The following KIZ variants were observed in gnomAD, a reference collection of about 807,000 sequenced individuals.
The protein encoded by KIZ is kizuna centrosomal protein, also known as centrosomal protein kizuna.
A neutral mutation model predicts 79.6 loss-of-function variants in KIZ; 68 were observed. The observed-to-expected ratio is 0.85, with a 90% confidence interval of 0.70 to 1.05. KIZ has a LOEUF of 1.05. Ranked by LOEUF, KIZ falls within the 50% of genes least tolerant of loss-of-function variation. The pLI is 0.00. For synonymous variants in KIZ, 280 were observed against 281.8 expected (o/e 0.99, Z 0.06); for missense variants, 797 against 800.4 (o/e 1.00, Z 0.05).
chr20:21,170,602 A>G (rs2034160494), intron 6 of KIZ, among the ~76,000 whole-genome samples: 1 of 152,068 alleles, frequency 6.6e-6, no homozygotes, highest in African/African-American at 2.4e-5. Context: ...GTTAGCCAGG[A>G]TAATCTCGAT....
At chr20:21,136,719 C>T (rs2032211711) in intron 3 of KIZ, among the ~76,000 whole-genome samples, 167 bp downstream of exon 3, 1 of 151,976 alleles carries the variant, frequency 6.6e-6, no homozygotes, top group African/African-American at 2.4e-5. Context: ...AGGTGCACAC[C>T]CCATGTAGCT....
At chr20:21,130,505 T>G (rs2031774473) in intron 1 of KIZ, among the ~76,000 whole-genome samples, 1 of 152,260 alleles carries the variant, frequency 6.6e-6, no homozygotes, top group African/African-American at 2.4e-5. Context: ...TAAAAATTTC[T>G]AATGTGGAAG....
chr20:21,172,483 A>G (rs1454808290), intron 6 of KIZ, among the ~76,000 whole-genome samples: 1 of 151,650 alleles, frequency 6.6e-6, no homozygotes. Flanking sequence ...CGCACGCTTG[A>G]GCTATTTGGG....
At chr20:21,155,034 T>C (rs1382110881) in intron 4 of KIZ, among the ~76,000 whole-genome samples, 1 of 152,258 alleles carries the variant, frequency 6.6e-6, no homozygotes, top group African/African-American at 2.4e-5. Flanking sequence ...TTCTCATTTT[T>C]TGTTATAAAA....
At chr20:21,172,858 CTGGGAGAGAGA>C (rs2034271455) in intron 6 of KIZ, among the ~76,000 whole-genome samples, 1 of 152,124 alleles carries the variant, frequency 6.6e-6, no homozygotes, top group Non-Finnish European at 1.5e-5. Flanking sequence ...CTTCTCTCCT[CTGGGAGAGAGA>C]TGGGAGAGGG....
chr20:21,214,208 C>T (rs887943092), intron 7 of KIZ, among the ~76,000 whole-genome samples: 1 of 151,918 alleles, frequency 6.6e-6, no homozygotes, highest in African/African-American at 2.4e-5. Context: ...TTGTATATAT[C>T]GAAGGGAGGA....
chr20:21,152,486 T>G (rs1196827009), intron 4 of KIZ, among the ~76,000 whole-genome samples: 3 of 152,130 alleles, frequency 2.0e-5, no homozygotes, highest in Admixed American at 6.6e-5. Context: ...TTCTGCATAT[T>G]TCTTTTGTGA....
chr20:21,216,513 C>G (rs2123316620), intron 9 of KIZ, among the ~76,000 whole-genome samples: 1 of 152,270 alleles, frequency 6.6e-6, no homozygotes, highest in Non-Finnish European at 1.5e-5. Context: ...TTTGAAAAAG[C>G]AGTTTATGGT....
chr20:21,234,104 C>T (rs1302526837), intron 11 of KIZ, among the ~76,000 whole-genome samples: 1 of 152,142 alleles, frequency 6.6e-6, no homozygotes, highest in Admixed American at 6.5e-5. Flanking sequence ...CTAAAAAACT[C>T]ACTTCTTCCT....
At chr20:21,146,134 A>G (rs952033541) in intron 4 of KIZ, among the ~76,000 whole-genome samples, 1 of 152,256 alleles carries the variant, frequency 6.6e-6, no homozygotes, top group Admixed American at 6.5e-5. Context: ...TGTATCTGCT[A>G]TAATGCAGGC....
chr20:21,246,151 C>T, intron 12 of KIZ: 1 of 280,022 alleles, frequency 3.6e-6, no homozygotes, highest in Non-Finnish European at 6.7e-6. Flanking sequence ...CGGCATCAGG[C>T]TGATACAACA....
In KIZ at chr20:21,161,856, C is replaced by A; in HGVS notation, c.406-15C>A. ...TACACAGTATGTTTAACTCACATCT[C>A]TTTTGGTGTTGCAGGTTGCAGTGCA... On this transcript the variant is annotated splice_polypyrimidine_tract_variant and intron_variant, in intron 4 of 12. Coordinates refer to ENST00000619189, the MANE Select transcript of KIZ (RefSeq NM_018474.6). 1 of 1,591,006 alleles carries A rather than the reference C, an allele frequency of 6.3e-7. No individual in the cohort carries two copies. Among genetic ancestry groups the A allele is most frequent in the Non-Finnish European group, 8.6e-7 (1 of 1,163,340 alleles).
chr20:21,141,840 C>G (rs1165577278), intron 3 of KIZ, among the ~76,000 whole-genome samples: 2 of 151,156 alleles, frequency 1.3e-5, no homozygotes, highest in Non-Finnish European at 2.9e-5. Flanking sequence ...CTCTCTCTCT[C>G]TCTCTCTCTG....
chr20:21,200,510 C>A (rs1168457760), intron 6 of KIZ, among the ~76,000 whole-genome samples: 1 of 151,540 alleles, frequency 6.6e-6, no homozygotes, highest in Non-Finnish European at 1.5e-5. Context: ...TAGATGGTCC[C>A]GTTTGGGAGT....
chr20:21,152,444 A>AT (rs1392606298), intron 4 of KIZ, among the ~76,000 whole-genome samples: 4 of 152,092 alleles, frequency 2.6e-5, no homozygotes, highest in Admixed American at 6.6e-5. Context: ...ATTATAGAAA[A>AT]TTGGAGGTGC....
At chr20:21,227,894 T>TA (rs1336885377) in intron 9 of KIZ, among the ~76,000 whole-genome samples, 1 of 152,212 alleles carries the variant, frequency 6.6e-6, no homozygotes, top group African/African-American at 2.4e-5. Context: ...CCAGCAATGT[T>TA]AAAAAAGTGT....
Position 21,166,133 on chromosome 20 carries a change from A to AT in KIZ, c.1352+2979dup, listed in dbSNP as rs1424337969. The AT allele has an allele frequency of 3.3e-5, 30 of 897,540 alleles. No homozygotes were observed. In the African/African-American group the frequency reaches 3.9e-4, roughly 12 times the overall value. The allele number at this position is 897,540 out of a possible 1,614,324, so 55.6% of individuals were successfully genotyped here. Reference sequence around the variant, plus strand: ...AGGCATGTGCCGCCATGCTTGGCTAATTTTTGTATTTTGTATTTTTTTTTT... The same window carrying AT: ...AGGCATGTGCCGCCATGCTTGGCTAATTTTTTGTATTTTGTATTTTTTTTTT... On this transcript the variant is annotated intron_variant, in intron 6 of 12. Transcript: ENST00000619189.
At chr20:21,236,303 A>G (rs780033591) in intron 11 of KIZ, among the ~76,000 whole-genome samples, 16 of 152,214 alleles carry the variant, frequency 1.1e-4, no homozygotes, top group Non-Finnish European at 2.1e-4. Context: ...TTGTTGGCAT[A>G]GTCATTGGGA....
chr20:21,126,238 C>T, intron 1 of KIZ, 34 bp downstream of exon 1: 1 of 1,329,406 alleles, frequency 7.5e-7, no homozygotes, highest in African/African-American at 1.5e-5. Flanking sequence ...GGGAGTCGGC[C>T]CGCGCCGGGG....
Sources: allele counts gnomAD v4.1 joint callset (sites outside exome capture counted in the v4.1 genomes callset), GRCh38; gene constraint gnomAD v4.1.1; transcripts MANE v1.5; gene names NCBI Gene and HGNC (gene_info 2026-07-23, HGNC 2026-07-21).